Variants in ATG7 observed in about 807,000 individuals in gnomAD.
The protein encoded by ATG7 is autophagy related 7, also known as ubiquitin-like modifier-activating enzyme ATG7.
ATG7 carries 70 observed loss-of-function variants against 82.4 expected under a neutral mutation model. The ratio of observed to expected loss-of-function variants is 0.85; its 90% confidence interval spans 0.70 to 1.04. The LOEUF is 1.04. Ranked by LOEUF, ATG7 falls within the 50% of genes least tolerant of loss-of-function variation. The pLI is 0.00. For synonymous variants in ATG7, 287 were observed against 313.0 expected (o/e 0.92, Z 0.88); for missense variants, 792 against 864.3 (o/e 0.92, Z 1.05).
chr3:11,378,616 C>T (rs1309337944), intron 18 of ATG7, among the ~76,000 whole-genome samples: 1 of 132,928 alleles, frequency 7.5e-6, no homozygotes, highest in Non-Finnish European at 1.5e-5. Context: ...ACCCAGGAGG[C>T]AGAGGTTGCG....
chr3:11,505,395 T>G (rs912224363), intron 20 of ATG7, among the ~76,000 whole-genome samples: 18 of 152,214 alleles, frequency 1.2e-4, no homozygotes, highest in African/African-American at 4.3e-4. Context: ...TCTCCCTTGG[T>G]GTCTGTGTTG....
chr3:11,446,113 G>T (rs1248430659), intron 20 of ATG7, among the ~76,000 whole-genome samples: 1 of 151,198 alleles, frequency 6.6e-6, no homozygotes, highest in Non-Finnish European at 1.5e-5. Context: ...CACACCTCTG[G>T]CCCTCAGCAT....
chr3:11,336,275 C>G (rs1269007641), intron 11 of ATG7, among the ~76,000 whole-genome samples: 3 of 151,974 alleles, frequency 2.0e-5, no homozygotes, highest in African/African-American at 7.3e-5. Flanking sequence ...CTCGGGCAAT[C>G]TGCCTGCCTC....
chr3:11,367,408 T>C (rs1015891389), intron 18 of ATG7, among the ~76,000 whole-genome samples: 3 of 152,208 alleles, frequency 2.0e-5, no homozygotes, highest in Admixed American at 2.0e-4. Context: ...GGAGAAGTTT[T>C]ATTAATTGGC....
chr3:11,358,533 G>C lies in ATG7; in HGVS notation c.1400G>C (p.Ser467Thr), dbSNP rs770843245. The C allele has an allele frequency of 5.6e-6, 9 of 1,614,042 alleles. No individual in the cohort carries two copies. The highest frequency in any genetic ancestry group is 1.7e-5 in the Admixed American group (1 of 60,004). The change falls in exon 15 of 21, where the codon AGC (serine) becomes ACC (threonine). Residue 467 changes from serine to threonine, a missense_variant. Ser to Thr is a moderately conservative substitution (Grantham distance 58). Coordinates refer to ENST00000693202, the MANE Select transcript of ATG7 (RefSeq NM_001349232.2). ...DVEQLEQLIE[S>T]HDVVFLLMDT... ...GAGCAACTGGAGCAGCTCATCGAAA[G>C]CCATGATGTCGTCTTCCTATTGATG...
intron 19 of ATG7, among the ~76,000 whole-genome samples, chr3:11,402,158 C>T (rs2079897047): frequency 6.6e-6 from 1 of 152,182 alleles, no homozygotes; most frequent in Non-Finnish European, 1.5e-5. Flanking sequence ...ATAGACTGGG[C>T]GTGGTTGCTC....
chr3:11,336,333 G>A (rs979609523), intron 11 of ATG7, among the ~76,000 whole-genome samples: 4 of 151,958 alleles, frequency 2.6e-5, no homozygotes, highest in Non-Finnish European at 5.9e-5. Context: ...ACGTCCAGCC[G>A]ATGCTGACAT....
chr3:11,275,341 CTCTTTTTTTTTTTT>C (rs1457385505), intron 1 of ATG7, among the ~76,000 whole-genome samples: 1 of 146,550 alleles, frequency 6.8e-6, no homozygotes, highest in Non-Finnish European at 1.5e-5. Flanking sequence ...TCTTCCTCTC[CTCTTTTTTTTTTTT>C]TCTTTTTTTT....
At chr3:11,457,719 T>C (rs921362567) in intron 20 of ATG7, among the ~76,000 whole-genome samples, 1 of 152,150 alleles carries the variant, frequency 6.6e-6, no homozygotes. Flanking sequence ...TTATGGGTGT[T>C]TGGAGGGTTG....
chr3:11,343,139 G>A (rs1231242044), intron 13 of ATG7, among the ~76,000 whole-genome samples: 1 of 152,092 alleles, frequency 6.6e-6, no homozygotes, highest in East Asian at 1.9e-4. Flanking sequence ...ATGTTGTCCA[G>A]GCTGGTCTTG....
intron 19 of ATG7, among the ~76,000 whole-genome samples, chr3:11,420,812 A>G (rs1040716711): frequency 2.0e-5 from 3 of 147,792 alleles, no homozygotes; most frequent in African/African-American, 5.1e-5. Flanking sequence ...CTGGAGTGCA[A>G]TGGCGCGATC....
intron 20 of ATG7, among the ~76,000 whole-genome samples, chr3:11,469,306 A>G (rs1359391751): frequency 6.6e-5 from 10 of 152,114 alleles, no homozygotes; most frequent in African/African-American, 2.4e-4. Context: ...AAAATTAGCC[A>G]GGCGTAGTGG....
At chr3:11,466,605 A>G (rs2086851284) in intron 20 of ATG7, among the ~76,000 whole-genome samples, 1 of 152,232 alleles carries the variant, frequency 6.6e-6, no homozygotes, top group African/African-American at 2.4e-5. Context: ...TATAAGTTCC[A>G]TTATTTACAA....
intron 16 of ATG7, among the ~76,000 whole-genome samples, chr3:11,361,195 G>A (rs566364715): frequency 4.3e-4 from 66 of 152,104 alleles, no homozygotes; most frequent in Non-Finnish European, 6.9e-4. Context: ...CTCTACCTTT[G>A]CAAAATAGGA....
chr3:11,311,356 C>T lies in ATG7; in HGVS notation c.412-1948C>T, dbSNP rs149923756. On this transcript the variant is annotated intron_variant, in intron 7 of 20. Transcript: ENST00000693202. ...CAGTGGTTCATGCCTGTAATTCTAG[C>T]GATTTGGGAGGCCGAGGTAGGCGGA... is the stretch of plus-strand genomic sequence containing the variant. Among the ~76,000 whole-genome samples, 101 of 151,964 alleles carry T rather than the reference C, an allele frequency of 6.6e-4. No homozygotes were observed. The East Asian group carries it at 0.018, about 28-fold the overall frequency.
At chr3:11,330,022 T>C (rs1951422847) in intron 9 of ATG7, among the ~76,000 whole-genome samples, 1 of 152,320 alleles carries the variant, frequency 6.6e-6, no homozygotes, top group African/African-American at 2.4e-5. Context: ...TTATAGAATG[T>C]CCCTTAATTT....
chr3:11,548,349 C>T (rs978945831), intron 20 of ATG7, among the ~76,000 whole-genome samples: 20 of 152,114 alleles, frequency 1.3e-4, no homozygotes, highest in African/African-American at 4.6e-4. Flanking sequence ...TATCTTTTCT[C>T]TTTCTTAATA....
At chr3:11,481,008 A>T (rs1681089147) in intron 20 of ATG7, among the ~76,000 whole-genome samples, 1 of 152,230 alleles carries the variant, frequency 6.6e-6, no homozygotes, top group Non-Finnish European at 1.5e-5. Context: ...TAGGCAAGGG[A>T]TACTATTAGT....
chr3:11,574,730 G>A, the ATG7 span, among the ~76,000 whole-genome samples: 2 of 150,746 alleles, frequency 1.3e-5, no homozygotes, highest in Admixed American at 6.6e-5. Flanking sequence ...GACACATGTC[G>A]AAACTTCACT....
Sources: gnomAD v4.1 joint callset for allele counts (sites outside exome capture counted in the v4.1 genomes callset) on GRCh38, gnomAD v4.1.1 for gene constraint, MANE v1.5 for transcripts, NCBI Gene and HGNC (gene_info 2026-07-23, HGNC 2026-07-21) for gene names.